GPR39: variants seen among roughly 807,000 people sequenced by gnomAD.
The protein encoded by GPR39 is G protein-coupled receptor 39.
Under a neutral mutation model 18.4 loss-of-function variants are expected in GPR39, and 23 were observed. That is an observed-to-expected ratio of 1.25 (90% CI 0.90 to 1.77). GPR39 has a LOEUF of 1.77. GPR39 is among the 40% of genes most tolerant of loss of function. The probability of loss-of-function intolerance (pLI) is 0.00; values close to 1 mark genes in which losing one functional copy is unlikely to be tolerated. For synonymous variants in GPR39, 280 were observed against 257.9 expected (o/e 1.09, Z -0.82); for missense variants, 647 against 602.4 (o/e 1.07, Z -0.78).
intron 1 of GPR39, among the ~76,000 whole-genome samples, chr2:132,626,969 C>G (rs545412648): frequency 6.2e-4 from 95 of 152,216 alleles, no homozygotes; most frequent in Non-Finnish European, 1.2e-3. Context: ...AATGTTATGT[C>G]TTTGCCTTCC....
At chr2:132,508,938 CT>C (rs2104756645) in intron 1 of GPR39, among the ~76,000 whole-genome samples, 1 of 152,240 alleles carries the variant, frequency 6.6e-6, no homozygotes, top group East Asian at 1.9e-4. Flanking sequence ...GCTTGGAGTA[CT>C]CATTAAATTT....
At position 132,645,427 on chromosome 2, in the gene GPR39, G is replaced by A. The variant is rs762428876; in HGVS notation, c.1183G>A (p.Ala395Thr). The A allele has an allele frequency of 6.2e-6, 10 of 1,613,402 alleles. No individual in the cohort carries two copies. Among genetic ancestry groups the A allele is most frequent in the African/African-American group, 1.3e-5 (1 of 75,030 alleles). ...ARFVQRPLLFASRRQSSARRT... is the reference protein window; with the variant it reads ...ARFVQRPLLFTSRRQSSARRT... The stretch of plus-strand genomic sequence containing the variant: ...CTTTGTGCAGCGCCCGTTGCTCTTC[G>A]CGTCCCGGCGCCAGTCCTCTGCAAG... The change falls in exon 2 of 2, where the codon GCG becomes ACG. Residue 395 changes from alanine (A) to threonine (T), a missense_variant. Coordinates refer to ENST00000329321, the MANE Select transcript of GPR39 (RefSeq NM_001508.3).
chr2:132,512,677 T>C (rs1010343276), intron 1 of GPR39, among the ~76,000 whole-genome samples: 1 of 152,210 alleles, frequency 6.6e-6, no homozygotes, highest in Non-Finnish European at 1.5e-5. Flanking sequence ...GTTGTGAAGA[T>C]TGAATAAGAA....
At chr2:132,548,990 G>GTGTATA (rs1239644986) in intron 1 of GPR39, among the ~76,000 whole-genome samples, 4 of 152,200 alleles carry the variant, frequency 2.6e-5, no homozygotes, top group African/African-American at 9.6e-5. Context: ...GTGTGTGTAT[G>GTGTATA]TGTATATGTA....
intron 1 of GPR39, among the ~76,000 whole-genome samples, chr2:132,446,612 G>A (rs1248499126): frequency 6.6e-6 from 1 of 152,154 alleles, no homozygotes; most frequent in Non-Finnish European, 1.5e-5. Flanking sequence ...GTCTTGGAAA[G>A]CTTCCTGGAG....
intron 1 of GPR39, among the ~76,000 whole-genome samples, chr2:132,467,496 C>T (rs1680948629): frequency 6.6e-6 from 1 of 152,036 alleles, no homozygotes; most frequent in South Asian, 2.1e-4. Flanking sequence ...CATTCATACC[C>T]CAAACCTCAG....
At chr2:132,517,838 T>C (rs1449385729) in intron 1 of GPR39, among the ~76,000 whole-genome samples, 1 of 152,250 alleles carries the variant, frequency 6.6e-6, no homozygotes, top group Non-Finnish European at 1.5e-5. Flanking sequence ...TCTACATTTA[T>C]GTCTTTATCT....
chr2:132,626,973 G>A (rs1244029104), intron 1 of GPR39, among the ~76,000 whole-genome samples: 2 of 152,288 alleles, frequency 1.3e-5, no homozygotes, highest in South Asian at 4.1e-4. Flanking sequence ...TTATGTCTTT[G>A]CCTTCCTGTG....
chr2:132,512,072 T>C (rs1383600786), intron 1 of GPR39, among the ~76,000 whole-genome samples: 2 of 152,164 alleles, frequency 1.3e-5, no homozygotes, highest in African/African-American at 4.8e-5. Flanking sequence ...GGGCTCCCTT[T>C]TTCCTCTTCC....
intron 1 of GPR39, among the ~76,000 whole-genome samples, chr2:132,537,943 C>T (rs1679788600): frequency 6.6e-6 from 1 of 151,996 alleles, no homozygotes; most frequent in African/African-American, 2.4e-5. Flanking sequence ...TTAGCAACTC[C>T]TGTAACCTTT....
intron 1 of GPR39, among the ~76,000 whole-genome samples, chr2:132,425,883 C>T (rs528368181): frequency 6.6e-6 from 1 of 152,204 alleles, no homozygotes; most frequent in African/African-American, 2.4e-5. Context: ...AAAATTCCCC[C>T]CCAGAACTTC....
chr2:132,601,706 TAAAC>T (rs1038338545), intron 1 of GPR39, among the ~76,000 whole-genome samples: 2 of 152,116 alleles, frequency 1.3e-5, no homozygotes, highest in Non-Finnish European at 2.9e-5. Context: ...TTAGAAATGA[TAAAC>T]AAATTCAATA....
chr2:132,461,101 C>T (rs1346556399), intron 1 of GPR39, among the ~76,000 whole-genome samples: 1 of 152,202 alleles, frequency 6.6e-6, no homozygotes, highest in Admixed American at 6.5e-5. Flanking sequence ...ATCTGGCTCC[C>T]TTGGTAATGC....
chr2:132,594,867 C>G (rs1348997072), intron 1 of GPR39, among the ~76,000 whole-genome samples: 11 of 152,186 alleles, frequency 7.2e-5, no homozygotes, highest in Non-Finnish European at 4.4e-5. Context: ...AATAATGGTA[C>G]TTATCTCATA....
At chr2:132,583,879 G>T (rs2104825432) in intron 1 of GPR39, among the ~76,000 whole-genome samples, 1 of 151,962 alleles carries the variant, frequency 6.6e-6, no homozygotes, top group Non-Finnish European at 1.5e-5. Context: ...GTGACCTCCA[G>T]GTACACAGCC....
intron 1 of GPR39, among the ~76,000 whole-genome samples, chr2:132,511,941 T>A (rs910127837): frequency 1.3e-5 from 2 of 152,112 alleles, no homozygotes; most frequent in Non-Finnish European, 2.9e-5. Context: ...CACGAACTCA[T>A]GGTTGACTTC....
chr2:132,452,751 GT>G (rs941972337), intron 1 of GPR39, among the ~76,000 whole-genome samples: 5 of 151,858 alleles, frequency 3.3e-5, no homozygotes, highest in Non-Finnish European at 7.4e-5. Flanking sequence ...CCTTGTGATA[GT>G]TAGCGGAGAA....
At chr2:132,576,614 C>T (rs1680531243) in intron 1 of GPR39, among the ~76,000 whole-genome samples, 1 of 152,122 alleles carries the variant, frequency 6.6e-6, no homozygotes, top group Admixed American at 6.5e-5. Flanking sequence ...GATTGCACCA[C>T]TGCACTTCAG....
At chr2:132,431,475 T>G (rs1000393474) in intron 1 of GPR39, among the ~76,000 whole-genome samples, 4 of 152,252 alleles carry the variant, frequency 2.6e-5, no homozygotes, top group African/African-American at 9.6e-5. Flanking sequence ...ATGTTTTAGT[T>G]TCACATTGGA....
Sources: allele counts gnomAD v4.1 joint callset (sites outside exome capture counted in the v4.1 genomes callset), GRCh38; gene constraint gnomAD v4.1.1; transcripts MANE v1.5; gene names NCBI Gene and HGNC (gene_info 2026-07-23, HGNC 2026-07-21).